Variants in ST7L observed in about 807,000 individuals in gnomAD.
The protein encoded by ST7L is suppressor of tumorigenicity 7 protein-like.
ST7L carries 57 observed loss-of-function variants against 72.5 expected under a neutral mutation model. The ratio of observed to expected loss-of-function variants is 0.79; its 90% CI spans 0.64 to 0.98. ST7L has a LOEUF of 0.98. ST7L is among the 50% of genes least tolerant of loss of function. The probability of loss-of-function intolerance (pLI) is 0.00; values close to 1 mark genes in which losing one functional copy is unlikely to be tolerated. For missense variants in ST7L, 576 were observed against 672.2 expected, an observed-to-expected ratio of 0.86 and a Z score of 1.58; for synonymous variants, 221 against 240.9, an observed-to-expected ratio of 0.92 and a Z score of 0.77.
intron 11 of ST7L, among the ~76,000 whole-genome samples, chr1:112,563,904 T>C (rs993884256): frequency 1.3e-5 from 2 of 152,342 alleles, no homozygotes; most frequent in East Asian, 1.9e-4. Flanking sequence ...GAAGTAATGA[T>C]AATGCTTTAT....
chr1:112,532,092 C>G (rs1441834008), intron 14 of ST7L, among the ~76,000 whole-genome samples: 1 of 152,120 alleles, frequency 6.6e-6, no homozygotes, highest in East Asian at 1.9e-4. Context: ...AATCCCTGGG[C>G]TCGCAATAAG....
In ST7L at chr1:112,599,013, TCATACAACTG is replaced by T. The variant is rs1473768058; in HGVS notation, c.507-937_507-928del. Among the ~76,000 whole-genome samples the T allele has an allele frequency of 4.6e-5, 6 of 131,178 alleles. No individual in the cohort carries two copies. In the East Asian group the frequency reaches 1.4e-3, roughly 32 times the overall value. The allele number at this position is 131,178 out of a possible 152,430, so 86.1% of individuals were successfully genotyped here. A position where few individuals can be genotyped will look rare whatever the true frequency, so the allele number is the denominator to read the frequency against. ...AGGAGGAGATTGCAGTGAACCAAGA[TCATACAACTG>T]CACTCCAGCCTGGATGACAGAGAGA... On this transcript the variant is annotated intron_variant, in intron 4 of 14. Transcript: ENST00000358039.
chr1:112,559,733 T>G (rs1190750009), intron 11 of ST7L, among the ~76,000 whole-genome samples: 1 of 151,812 alleles, frequency 6.6e-6, no homozygotes, highest in Non-Finnish European at 1.5e-5. Context: ...GTAATCCCAG[T>G]ACTTTGAGAT....
chr1:112,558,101 G>A (rs1659493790), intron 11 of ST7L, among the ~76,000 whole-genome samples: 1 of 152,130 alleles, frequency 6.6e-6, no homozygotes, highest in Non-Finnish European at 1.5e-5. Flanking sequence ...CAAAGACTGA[G>A]ACCAGAATGC....
chr1:112,600,649 A>T (rs1571251363), intron 4 of ST7L, 145 bp downstream of exon 4: 9 of 712,432 alleles, frequency 1.3e-5, no homozygotes, highest in Non-Finnish European at 2.1e-5. Context: ...GCTGCCAAAT[A>T]AACTGTGGAC....
chr1:112,567,698 T>C (rs1661270070), intron 11 of ST7L, among the ~76,000 whole-genome samples: 1 of 152,242 alleles, frequency 6.6e-6, no homozygotes, highest in Admixed American at 6.5e-5. Flanking sequence ...GTACCATTTG[T>C]TGAAGTTCCA....
At chr1:112,609,782 A>G (rs1570631366) in intron 3 of ST7L, among the ~76,000 whole-genome samples, 1 of 152,150 alleles carries the variant, frequency 6.6e-6, no homozygotes, top group South Asian at 2.1e-4. Context: ...AGATCGCACC[A>G]CTGCACTCCA....
chr1:112,586,752 T>C (rs1234926518), intron 6 of ST7L, among the ~76,000 whole-genome samples: 1 of 152,196 alleles, frequency 6.6e-6, no homozygotes, highest in East Asian at 1.9e-4. Context: ...GAATGTTGGT[T>C]TTTTACATTG....
At chr1:112,578,454 A>G (rs1304558679) in intron 9 of ST7L, 37 bp from the exon 10 acceptor site, 1 of 1,584,448 alleles carries the variant, frequency 6.3e-7, no homozygotes, top group South Asian at 1.1e-5. Flanking sequence ...AGGAATTACA[A>G]AAAAGGTATT....
chr1:112,548,805 T>C (rs148945167), intron 13 of ST7L, among the ~76,000 whole-genome samples: 9 of 152,294 alleles, frequency 5.9e-5, no homozygotes, highest in African/African-American at 1.9e-4. Context: ...AGACACAAAG[T>C]GTAGACTGTT....
At chr1:112,543,885 A>C (rs975256547) in intron 13 of ST7L, among the ~76,000 whole-genome samples, 122 of 151,662 alleles carry the variant, frequency 8.0e-4, no homozygotes, top group African/African-American at 2.6e-3. Flanking sequence ...AAAAAAAAAA[A>C]AAAAAACCTA....
chr1:112,594,131 C>T (rs1666074402), intron 5 of ST7L, among the ~76,000 whole-genome samples: 1 of 150,624 alleles, frequency 6.6e-6, no homozygotes, highest in South Asian at 2.1e-4. Context: ...GAATGTTTCT[C>T]TGGTTTCCCT....
chr1:112,518,575 A>G (rs191848949), downstream of ST7L: 4 of 152,290 alleles, frequency 2.6e-5, no homozygotes, highest in Admixed American at 6.5e-5. Flanking sequence ...CACTAAGTAT[A>G]CTTTCCTCCC....
intron 12 of ST7L, among the ~76,000 whole-genome samples, chr1:112,552,629 C>A (rs1328719430): frequency 6.6e-6 from 1 of 152,104 alleles, no homozygotes; most frequent in Non-Finnish European, 1.5e-5. Context: ...GTTTCGAACT[C>A]CCAACCTCAG....
At chr1:112,577,121 A>G in intron 10 of ST7L, 33 bp from the exon 11 acceptor site, 1 of 1,433,618 alleles carries the variant, frequency 7.0e-7, no homozygotes, top group South Asian at 1.3e-5. Context: ...AAAAATAAAT[A>G]TGCTAAAAAA....
At chr1:112,533,753 T>G (rs1030648470) in intron 14 of ST7L, among the ~76,000 whole-genome samples, 2 of 152,192 alleles carry the variant, frequency 1.3e-5, no homozygotes, top group Non-Finnish European at 2.9e-5. Flanking sequence ...ACTCCTGGGC[T>G]CAGATGATTC....
chr1:112,597,924 T>G (rs771823376), intron 5 of ST7L, 47 bp downstream of exon 5: 71 of 1,403,816 alleles, frequency 5.1e-5, no homozygotes, highest in Admixed American at 4.6e-4. Flanking sequence ...ACTTTTAAGA[T>G]GATCTTCATG....
intron 11 of ST7L, among the ~76,000 whole-genome samples, chr1:112,561,950 G>T (rs1047918160): frequency 1.3e-4 from 20 of 150,322 alleles, no homozygotes; most frequent in Non-Finnish European, 2.8e-4. Context: ...TTGAAGAAAT[G>T]ATGCTTCTAA....
At chr1:112,539,752 T>C in intron 14 of ST7L, 1 of 985,370 alleles carries the variant, frequency 1.0e-6, no homozygotes, top group Non-Finnish European at 1.2e-6. Context: ...GAACCTGCCT[T>C]TGGAAATCCT....
Sources: allele counts gnomAD v4.1 joint callset (sites outside exome capture counted in the v4.1 genomes callset), GRCh38; gene constraint gnomAD v4.1.1; transcripts MANE v1.5; gene names NCBI Gene and HGNC (gene_info 2026-07-23, HGNC 2026-07-21).